GOLM2: variants seen among roughly 807,000 people sequenced by gnomAD.
The protein encoded by GOLM2 is golgi membrane protein 2, also known as protein GOLM2.
A neutral mutation model predicts 55.9 loss-of-function variants in GOLM2; 26 were observed. The observed-to-expected ratio is 0.47, with a 90% CI of 0.34 to 0.65. The LOEUF is 0.65. Ranked by LOEUF, GOLM2 falls within the 30% of genes least tolerant of loss-of-function variation. The pLI is 0.01. For missense variants in GOLM2, 486 were observed against 531.8 expected, an observed-to-expected ratio of 0.91 and a Z score of 0.85; for synonymous variants, 165 against 194.6, an observed-to-expected ratio of 0.85 and a Z score of 1.27.
At chr15:44,388,749 ATC>A (rs2079466147) in intron 8 of GOLM2, among the ~76,000 whole-genome samples, 1 of 152,170 alleles carries the variant, frequency 6.6e-6, no homozygotes, top group Non-Finnish European at 1.5e-5. Context: ...CTGGGCTCAA[ATC>A]ATCCTCCTGC....
chr15:44,366,998 C>T (rs991694059), intron 6 of GOLM2, among the ~76,000 whole-genome samples: 2 of 152,012 alleles, frequency 1.3e-5, no homozygotes, highest in Non-Finnish European at 2.9e-5. Flanking sequence ...TAACAAATTG[C>T]CAGTCTTGAT....
intron 1 of GOLM2, among the ~76,000 whole-genome samples, chr15:44,319,374 G>A (rs1212472566): frequency 2.6e-5 from 4 of 151,848 alleles, no homozygotes; most frequent in Non-Finnish European, 2.9e-5. Context: ...CACCATGCTC[G>A]ACTAATCTGT....
At chr15:44,301,930 T>C (rs910357786) in intron 1 of GOLM2, among the ~76,000 whole-genome samples, 1 of 150,282 alleles carries the variant, frequency 6.7e-6, no homozygotes, top group African/African-American at 2.4e-5. Flanking sequence ...AAAAAAAACT[T>C]AGGAGCCAAG....
At chr15:44,302,536 G>A (rs1279423068) in intron 1 of GOLM2, among the ~76,000 whole-genome samples, 2 of 151,448 alleles carry the variant, frequency 1.3e-5, no homozygotes, top group Admixed American at 6.6e-5. Flanking sequence ...TGTTGCCCAG[G>A]CTATAGTGCA....
chr15:44,329,555 T>A (rs2079007627), intron 3 of GOLM2, among the ~76,000 whole-genome samples: 1 of 152,192 alleles, frequency 6.6e-6, no homozygotes, highest in South Asian at 2.1e-4. Flanking sequence ...ACTTCTTTAG[T>A]CTCTTCCAAT....
chr15:44,336,059 C>T (rs1287382670), intron 4 of GOLM2, among the ~76,000 whole-genome samples: 1 of 151,974 alleles, frequency 6.6e-6, no homozygotes, highest in Non-Finnish European at 1.5e-5. Context: ...ATGATCCACC[C>T]GCCTCTGCCT....
chr15:44,293,068 G>T (rs2078732559), intron 1 of GOLM2, among the ~76,000 whole-genome samples: 1 of 152,064 alleles, frequency 6.6e-6, no homozygotes, highest in Non-Finnish European at 1.5e-5. Flanking sequence ...CTCCTGCCTT[G>T]GCCTTCTAAA....
rs372675788 is a variant in GOLM2 at position 44,305,960 on chromosome 15, G to A, written c.327+16604G>A. ...GATGTGCTATCATACAGGCTTTGTT[G>A]TTCCATTTATAGAGCGCAGATAAAA... On this transcript the variant is annotated intron_variant, in intron 1 of 9. Coordinates refer to ENST00000299957, the MANE Select transcript of GOLM2 (RefSeq NM_138423.4). Among the ~76,000 whole-genome samples the A allele has an allele frequency of 2.6e-5, 4 of 152,224 alleles. No individual in the cohort carries two copies. In the South Asian group the frequency reaches 6.2e-4, roughly 24 times the overall value.
chr15:44,357,945 A>G (rs1290230916), intron 6 of GOLM2, among the ~76,000 whole-genome samples: 4 of 152,214 alleles, frequency 2.6e-5, no homozygotes, highest in Non-Finnish European at 1.5e-5. Context: ...GGATAGGAAG[A>G]CTCAGTATTG....
intron 3 of GOLM2, among the ~76,000 whole-genome samples, chr15:44,330,054 G>A (rs536633737): frequency 1.3e-5 from 2 of 151,072 alleles, no homozygotes; most frequent in East Asian, 4.0e-4. Context: ...GGGACCACAG[G>A]TGCCCGCCAC....
intron 1 of GOLM2, among the ~76,000 whole-genome samples, chr15:44,298,733 C>T (rs9806725): frequency 0.1 from 15,840 of 151,884 alleles, 1,779 homozygotes; most frequent in African/African-American, 0.27. Context: ...TTTTTTCCTG[C>T]GGGAAAAATT....
At chr15:44,413,222 G>C (rs1342134422) in intron 9 of GOLM2, 114 bp from the exon 10 acceptor site, 21 of 677,892 alleles carry the variant, frequency 3.1e-5, no homozygotes, top group Non-Finnish European at 4.8e-5. Flanking sequence ...TTTGTACTAG[G>C]TGTAAAATAA....
chr15:44,383,359 C>T (rs1054430605), intron 8 of GOLM2, among the ~76,000 whole-genome samples: 3 of 151,944 alleles, frequency 2.0e-5, no homozygotes, highest in Non-Finnish European at 4.4e-5. Context: ...ACTTGACTAG[C>T]TTTATAGCAC....
At chr15:44,328,362 C>T (rs1346079724) in intron 2 of GOLM2, among the ~76,000 whole-genome samples, 1 of 152,150 alleles carries the variant, frequency 6.6e-6, no homozygotes, top group African/African-American at 2.4e-5. Flanking sequence ...CCTGTAGTCT[C>T]AGCTGTCTGG....
At chr15:44,325,323 T>A (rs770748599) in intron 2 of GOLM2, among the ~76,000 whole-genome samples, 2 of 152,260 alleles carry the variant, frequency 1.3e-5, no homozygotes, top group Non-Finnish European at 2.9e-5. Flanking sequence ...CTAAAACTCA[T>A]ATTAATGTTT....
At chr15:44,293,347 G>T (rs1222995259) in intron 1 of GOLM2, among the ~76,000 whole-genome samples, 1 of 152,148 alleles carries the variant, frequency 6.6e-6, no homozygotes, top group Non-Finnish European at 1.5e-5. Context: ...CACAATTAAT[G>T]AACCAGTATT....
chr15:44,393,752 C>T (rs1326847896), intron 8 of GOLM2, among the ~76,000 whole-genome samples: 5 of 152,118 alleles, frequency 3.3e-5, no homozygotes, highest in Admixed American at 6.6e-5. Context: ...AGTGCAGTGG[C>T]GCAATCTTGG....
At chr15:44,313,275 A>T (rs1383029030) in intron 1 of GOLM2, among the ~76,000 whole-genome samples, 1 of 152,054 alleles carries the variant, frequency 6.6e-6, no homozygotes, top group Non-Finnish European at 1.5e-5. Flanking sequence ...TATTTGTCTT[A>T]CTTCCCCTTT....
chr15:44,412,918 G>T (rs886675578), intron 9 of GOLM2, among the ~76,000 whole-genome samples: 2 of 151,534 alleles, frequency 1.3e-5, no homozygotes, highest in African/African-American at 4.9e-5. Flanking sequence ...TAGGAGAATC[G>T]CTTGATCCTG....
Sources: allele counts gnomAD v4.1 joint callset (sites outside exome capture counted in the v4.1 genomes callset), GRCh38; gene constraint gnomAD v4.1.1; transcripts MANE v1.5; gene names NCBI Gene and HGNC (gene_info 2026-07-23, HGNC 2026-07-21).